PAPSS1: variants seen among roughly 807,000 people sequenced by gnomAD.
The protein encoded by PAPSS1 is 3'-phosphoadenosine 5'-phosphosulfate synthase 1.
Under a neutral mutation model 72.0 loss-of-function variants are expected in PAPSS1, and 50 were observed. That is an observed-to-expected ratio of 0.69 (90% CI 0.55 to 0.88). The LOEUF is 0.88. PAPSS1 is among the 40% of genes least tolerant of loss of function. The pLI is 0.00. For missense variants in PAPSS1, 657 were observed against 782.2 expected, an observed-to-expected ratio of 0.84 and a Z score of 1.91; for synonymous variants, 261 against 263.6, an observed-to-expected ratio of 0.99 and a Z score of 0.09.
chr4:107,642,600 A>G (rs1300230325), intron 10 of PAPSS1, among the ~76,000 whole-genome samples: 1 of 152,250 alleles, frequency 6.6e-6, no homozygotes, highest in Non-Finnish European at 1.5e-5. Flanking sequence ...TCTGAAAAAT[A>G]CAGTAAGAAA....
chr4:107,661,861 T>C (rs1727191317), intron 5 of PAPSS1, among the ~76,000 whole-genome samples: 1 of 152,134 alleles, frequency 6.6e-6, no homozygotes, highest in African/African-American at 2.4e-5. Flanking sequence ...ATGAAAGACC[T>C]AGGTGCTACC....
chr4:107,677,276 A>C (rs1042626681), intron 5 of PAPSS1, among the ~76,000 whole-genome samples: 19 of 152,204 alleles, frequency 1.2e-4, no homozygotes, highest in African/African-American at 4.3e-4. Flanking sequence ...AAATTTTTGC[A>C]ATCTACTCAT....
At chr4:107,691,264 T>G (rs1212106497) in intron 3 of PAPSS1, among the ~76,000 whole-genome samples, 2 of 152,172 alleles carry the variant, frequency 1.3e-5, no homozygotes, top group Non-Finnish European at 2.9e-5. Flanking sequence ...ATTTATTGAA[T>G]AGTTATTACA....
intron 11 of PAPSS1, among the ~76,000 whole-genome samples, chr4:107,625,058 T>C (rs1278828950): frequency 6.6e-6 from 1 of 152,206 alleles, no homozygotes; most frequent in Non-Finnish European, 1.5e-5. Flanking sequence ...TAAAGAAATG[T>C]AGGATTTGGG....
intron 5 of PAPSS1, among the ~76,000 whole-genome samples, chr4:107,668,185 C>A (rs1263932240): frequency 6.6e-6 from 1 of 152,180 alleles, no homozygotes; most frequent in Non-Finnish European, 1.5e-5. Flanking sequence ...GAACTGTGTG[C>A]AAACCTCTCC....
At chr4:107,673,876 G>A (rs531344817) in intron 5 of PAPSS1, among the ~76,000 whole-genome samples, 1 of 152,332 alleles carries the variant, frequency 6.6e-6, no homozygotes, top group African/African-American at 2.4e-5. Flanking sequence ...AGCCAGAAGA[G>A]AGTGGGGGCC....
intron 3 of PAPSS1, among the ~76,000 whole-genome samples, chr4:107,689,151 C>G (rs1722857498): frequency 6.6e-6 from 1 of 152,230 alleles, no homozygotes; most frequent in Admixed American, 6.5e-5. Flanking sequence ...ATAATCTACA[C>G]TGTGGCAAAG....
At chr4:107,718,793 T>C (rs971228117) in intron 1 of PAPSS1, among the ~76,000 whole-genome samples, 7 of 152,194 alleles carry the variant, frequency 4.6e-5, no homozygotes, top group Non-Finnish European at 8.8e-5. Flanking sequence ...TCCCTAACCG[T>C]GAAACACCTT....
chr4:107,637,228 C>G (rs370344772), intron 10 of PAPSS1, among the ~76,000 whole-genome samples: 1 of 152,132 alleles, frequency 6.6e-6, no homozygotes, highest in Admixed American at 6.5e-5. Context: ...AGAAGAGTTT[C>G]TTAACCTTTT....
chr4:107,653,691 A>T, intron 8 of PAPSS1, 65 bp from the exon 9 acceptor site: 1 of 1,397,216 alleles, frequency 7.2e-7, no homozygotes, highest in Non-Finnish European at 9.9e-7. Context: ...CATTTCTCTC[A>T]TATAAGCTAA....
chr4:107,664,445 C>T (rs183567392), intron 5 of PAPSS1, among the ~76,000 whole-genome samples: 208 of 152,298 alleles, frequency 1.4e-3, no homozygotes, highest in African/African-American at 4.7e-3. Flanking sequence ...CTCACAAAGA[C>T]TGAAGACCAG....
intron 2 of PAPSS1, among the ~76,000 whole-genome samples, chr4:107,700,684 T>C (rs1314040757): frequency 6.6e-6 from 1 of 152,218 alleles, no homozygotes; most frequent in African/African-American, 2.4e-5. Context: ...TTCAATCTTT[T>C]GCTCTTTCTC....
intron 5 of PAPSS1, among the ~76,000 whole-genome samples, chr4:107,677,525 G>C (rs1254535926): frequency 1.3e-5 from 2 of 152,296 alleles, no homozygotes; most frequent in East Asian, 3.9e-4. Context: ...TCATTAAAAA[G>C]TCAGGAAACA....
chr4:107,719,810 T>C (rs748314745), intron 1 of PAPSS1: 16 of 1,234,984 alleles, frequency 1.3e-5, no homozygotes, highest in South Asian at 2.1e-5. Flanking sequence ...CAAGCGCCAG[T>C]TCACGGGTGA....
intron 11 of PAPSS1, among the ~76,000 whole-genome samples, chr4:107,619,176 C>T (rs1027984485): frequency 6.6e-6 from 1 of 152,186 alleles, no homozygotes. Flanking sequence ...AAAAGCCAGA[C>T]CAATTAAAGT....
At chr4:107,658,504 C>T (rs879902658) in intron 6 of PAPSS1, among the ~76,000 whole-genome samples, 1 of 152,038 alleles carries the variant, frequency 6.6e-6, no homozygotes, top group Non-Finnish European at 1.5e-5. Flanking sequence ...GTCAAAGGAC[C>T]GATGAACAAT....
chr4:107,683,253 A>AT (rs1026893628), intron 4 of PAPSS1, among the ~76,000 whole-genome samples: 15 of 151,818 alleles, frequency 9.9e-5, no homozygotes, highest in African/African-American at 2.9e-4. Context: ...CATTTATTTC[A>AT]TTTTTTTTCT....
chr4:107,689,039 T>C (rs1462218490), intron 3 of PAPSS1, among the ~76,000 whole-genome samples: 1 of 152,196 alleles, frequency 6.6e-6, no homozygotes, highest in Admixed American at 6.5e-5. Flanking sequence ...CAACCCAGTT[T>C]GCAATCTTTC....
chr4:107,678,265 C>A (rs1489481316), intron 5 of PAPSS1, among the ~76,000 whole-genome samples: 1 of 139,002 alleles, frequency 7.2e-6, no homozygotes, highest in South Asian at 2.3e-4. Flanking sequence ...GAATTAATAT[C>A]TATGTCTAGA....
Sources: gnomAD v4.1 joint callset for allele counts (sites outside exome capture counted in the v4.1 genomes callset) on GRCh38, gnomAD v4.1.1 for gene constraint, MANE v1.5 for transcripts, NCBI Gene and HGNC (gene_info 2026-07-23, HGNC 2026-07-21) for gene names.